SPMIP7: variants seen among roughly 807,000 people sequenced by gnomAD.
The protein encoded by SPMIP7 is protein SPMIP7.
At chr7:50,148,359 G>A in the SPMIP7 span, among the ~76,000 whole-genome samples, 2 of 152,194 alleles carry the variant, frequency 1.3e-5, no homozygotes, top group Non-Finnish European at 2.9e-5. Flanking sequence ...TCAATAACAT[G>A]CATGCCACAG....
At chr7:50,106,793 C>T in the SPMIP7 span, among the ~76,000 whole-genome samples, 118,247 of 152,042 alleles carry the variant, frequency 0.78, 46,095 homozygotes, top group East Asian at 0.88. Flanking sequence ...TTATAAATTA[C>T]CAAATGGAAA....
chr7:50,105,708 A>C, the SPMIP7 span, among the ~76,000 whole-genome samples: 1 of 152,250 alleles, frequency 6.6e-6, no homozygotes, highest in African/African-American at 2.4e-5. Context: ...TAAGAAAATT[A>C]TGGTATTAGA....
chr7:50,144,099 G>A, the SPMIP7 span, among the ~76,000 whole-genome samples: 2 of 152,188 alleles, frequency 1.3e-5, no homozygotes. Flanking sequence ...TTAAACTTAT[G>A]GCTATCATTT....
the SPMIP7 span, chr7:50,136,285 A>G: frequency 8.5e-6 from 6 of 706,066 alleles, no homozygotes; most frequent in Non-Finnish European, 1.5e-5. Flanking sequence ...TCTCTGATGG[A>G]GAGCATCCCA....
the SPMIP7 span, among the ~76,000 whole-genome samples, chr7:50,114,919 A>G: frequency 6.6e-5 from 10 of 151,736 alleles, no homozygotes; most frequent in Non-Finnish European, 1.2e-4. Context: ...AATCCCAGCT[A>G]CTTGGGAGGC....
At chr7:50,117,607 T>C in the SPMIP7 span, among the ~76,000 whole-genome samples, 1 of 152,190 alleles carries the variant, frequency 6.6e-6, no homozygotes, top group Non-Finnish European at 1.5e-5. Context: ...GTGTTAGAAA[T>C]AGTGGCTCCT....
chr7:50,130,997 C>T, the SPMIP7 span, among the ~76,000 whole-genome samples: 43 of 152,212 alleles, frequency 2.8e-4, no homozygotes, highest in African/African-American at 1.0e-3. Context: ...CCAGGACTGT[C>T]ATTCTGAGTG....
chr7:50,138,042 T>C, the SPMIP7 span, among the ~76,000 whole-genome samples: 3 of 152,206 alleles, frequency 2.0e-5, no homozygotes, highest in South Asian at 4.1e-4. Flanking sequence ...TTTGTTGTTT[T>C]TGTGAAGATT....
the SPMIP7 span, among the ~76,000 whole-genome samples, chr7:50,116,820 T>A: frequency 1.3e-5 from 2 of 152,168 alleles, no homozygotes; most frequent in Non-Finnish European, 2.9e-5. Context: ...AAATTCAATA[T>A]CCTTTTATAG....
At chr7:50,146,276 C>T in the SPMIP7 span, among the ~76,000 whole-genome samples, 6 of 152,180 alleles carry the variant, frequency 3.9e-5, no homozygotes, top group Non-Finnish European at 8.8e-5. Flanking sequence ...GCATAAAGAG[C>T]CAAGATCACT....
At chr7:50,120,469 C>T in the SPMIP7 span, 1 of 151,960 alleles carries the variant, frequency 6.6e-6, no homozygotes, top group Admixed American at 6.6e-5. Flanking sequence ...TAGATCTCTT[C>T]TTGGCTTATG....
At chr7:50,145,614 G>GTATATATATATATATATATA in the SPMIP7 span, among the ~76,000 whole-genome samples, 4 of 39,056 alleles carry the variant, frequency 1.0e-4, no homozygotes, top group Non-Finnish European at 1.7e-4. Context: ...GTGTATATGT[G>GTATATATATATATATATATA]TGTGTATATA....
the SPMIP7 span, among the ~76,000 whole-genome samples, chr7:50,151,757 T>C: frequency 0.42 from 63,114 of 152,078 alleles, 13,788 homozygotes; most frequent in East Asian, 0.72. Context: ...CTTGTATGTG[T>C]TTCCTTTTTG....
chr7:50,110,915 G>A, the SPMIP7 span, among the ~76,000 whole-genome samples: 1 of 126,790 alleles, frequency 7.9e-6, no homozygotes, highest in Non-Finnish European at 1.6e-5. Flanking sequence ...TATATAAAAA[G>A]CATAAGCTAA....
chr7:50,115,649 T>C, the SPMIP7 span, among the ~76,000 whole-genome samples: 1 of 152,192 alleles, frequency 6.6e-6, no homozygotes, highest in Non-Finnish European at 1.5e-5. Flanking sequence ...ATTTAGAATA[T>C]AGTGATATAC....
the SPMIP7 span, among the ~76,000 whole-genome samples, chr7:50,141,017 T>C: frequency 6.6e-6 from 1 of 152,202 alleles, no homozygotes; most frequent in Non-Finnish European, 1.5e-5. Context: ...CGCTTCTTTG[T>C]TCAGAAACAC....
At chr7:50,129,770 A>C in the SPMIP7 span, 1 of 1,548,498 alleles carries the variant, frequency 6.5e-7, no homozygotes, top group Non-Finnish European at 8.7e-7. Context: ...CAAAGGACTC[A>C]TTTTACAAGT....
At chr7:50,151,555 C>T in the SPMIP7 span, 10 of 1,541,852 alleles carry the variant, frequency 6.5e-6, no homozygotes, top group Non-Finnish European at 8.8e-6. Context: ...CAGAACTGCA[C>T]CGGTAAGTAT....
chr7:50,120,656 G>A, the SPMIP7 span, among the ~76,000 whole-genome samples: 1 of 152,180 alleles, frequency 6.6e-6, no homozygotes, highest in Admixed American at 6.5e-5. Context: ...CGTGATTATG[G>A]GAGTAGCTAA....
Sources: allele counts gnomAD v4.1 joint callset (sites outside exome capture counted in the v4.1 genomes callset), GRCh38; gene constraint gnomAD v4.1.1; transcripts MANE v1.5; gene names NCBI Gene and HGNC (gene_info 2026-07-23, HGNC 2026-07-21).